Variants in RBFOX1 observed in about 807,000 individuals in gnomAD.
RBFOX1 encodes the protein RNA binding protein fox-1 homolog 1.
A neutral mutation model predicts 57.7 loss-of-function variants in RBFOX1; 8 were observed. That is an observed-to-expected ratio of 0.14 (90% confidence interval 0.08 to 0.25). RBFOX1 has a LOEUF of 0.25. RBFOX1 is among the 10% of genes least tolerant of loss of function. The pLI is 1.00. For missense variants in RBFOX1, 611 were observed against 548.5 expected (o/e 1.11, Z -1.14); for synonymous variants, 326 against 222.4 (o/e 1.47, Z -4.15).
intron 4 of RBFOX1, among the ~76,000 whole-genome samples, chr16:7,401,047 C>T (rs1040681396): frequency 4.6e-5 from 7 of 152,140 alleles, no homozygotes; most frequent in African/African-American, 1.4e-4. Flanking sequence ...GCAGCTGATT[C>T]GAGAGGGGGT....
chr16:7,655,147 A>G (rs1046285786), intron 12 of RBFOX1, among the ~76,000 whole-genome samples: 1 of 152,200 alleles, frequency 6.6e-6, no homozygotes, highest in African/African-American at 2.4e-5. Flanking sequence ...TGACAAAAAG[A>G]AACACTTTTT....
In RBFOX1 at chr16:6,923,773, C is replaced by G. The variant is rs114646367; in HGVS notation, c.-15-128284C>G. Among the ~76,000 whole-genome samples, 1,454 of 152,216 alleles carry G rather than the reference C, an allele frequency of 9.6e-3. 25 individuals are homozygous for G. Among genetic ancestry groups the G allele is most frequent in the African/African-American group, 0.033 (1,353 of 41,536 alleles). ...TATCAAAGCTTAATTAATAGTTAGT[C>G]TATTTTGGAGTCCAATAAAGGATTT... is the stretch of plus-strand genomic sequence containing the variant. On this transcript the variant is annotated intron_variant, in intron 3 of 15. Transcript: ENST00000550418.
At chr16:5,994,656 C>T (rs1210446999) in intron 4 of RBFOX1, among the ~76,000 whole-genome samples, 1 of 152,192 alleles carries the variant, frequency 6.6e-6, no homozygotes, top group Non-Finnish European at 1.5e-5. Flanking sequence ...GGAAAACAGT[C>T]ACAGATAATA....
chr16:5,713,199 T>C (rs1296366597), intron 3 of RBFOX1, among the ~76,000 whole-genome samples: 1 of 152,206 alleles, frequency 6.6e-6, no homozygotes, highest in Non-Finnish European at 1.5e-5. Context: ...GCTTAAGCCA[T>C]TTGGGGCTAA....
At chr16:5,798,658 G>A (rs1306487809) in intron 3 of RBFOX1, among the ~76,000 whole-genome samples, 2 of 152,208 alleles carry the variant, frequency 1.3e-5, no homozygotes, top group Non-Finnish European at 2.9e-5. Flanking sequence ...ATATATGTGT[G>A]TCAAATGGGA....
chr16:7,581,129 A>C (rs1567941811), intron 6 of RBFOX1, among the ~76,000 whole-genome samples: 1 of 152,170 alleles, frequency 6.6e-6, no homozygotes, highest in Non-Finnish European at 1.5e-5. Context: ...CTGACACAAA[A>C]GCAGAGCGAG....
At chr16:7,156,588 G>C (rs561002073) in intron 4 of RBFOX1, among the ~76,000 whole-genome samples, 89 of 151,968 alleles carry the variant, frequency 5.9e-4, no homozygotes, top group African/African-American at 2.0e-3. Context: ...TTTGCATGCA[G>C]ATATACATAT....
chr16:6,451,822 C>G (rs555224756), intron 2 of RBFOX1, among the ~76,000 whole-genome samples: 1 of 151,770 alleles, frequency 6.6e-6, no homozygotes, highest in South Asian at 2.1e-4. Flanking sequence ...CCTCCCATGA[C>G]TCCATCCATG....
rs572933249 is a variant in RBFOX1 at position 7,287,767 on chromosome 16, T to G, written c.28-230380T>G. The stretch of plus-strand genomic sequence containing the variant: ...TGTTTAGATTTAGAAAGAGATAAAT[T>G]TAGAAGTGGAGAACACAAATTAGTT... On this transcript the variant is annotated intron_variant, in intron 4 of 15. Transcript: ENST00000550418. Among the ~76,000 whole-genome samples, 132 of 152,302 alleles carry G rather than the reference T, an allele frequency of 8.7e-4. 1 individual carries two copies. Among genetic ancestry groups the G allele is most frequent in the Non-Finnish European group, 1.6e-3 (109 of 68,026 alleles).
intron 2 of RBFOX1, among the ~76,000 whole-genome samples, chr16:6,396,249 T>A (rs1418906377): frequency 6.6e-6 from 1 of 152,050 alleles, no homozygotes; most frequent in African/African-American, 2.4e-5. Context: ...TGAAGGGGCT[T>A]TGACCCTGGA....
Position 6,601,506 on chromosome 16 carries a change from G to A in RBFOX1, c.-63-53097G>A, listed in dbSNP as rs562426480. Among the ~76,000 whole-genome samples, 10 of 152,210 alleles carry A rather than the reference G, an allele frequency of 6.6e-5. No individual in the cohort carries two copies. In the East Asian group the frequency reaches 9.7e-4, roughly 15 times the overall value. On this transcript the variant is annotated intron_variant, in intron 2 of 15. Transcript: ENST00000550418. ...TCTACATACAAGAAGCTATACCAGC[G>A]TAAGGATCCTGGACCATTCTACTCA...
chr16:7,191,202 T>A (rs2085294787), intron 4 of RBFOX1, among the ~76,000 whole-genome samples: 1 of 152,200 alleles, frequency 6.6e-6, no homozygotes, highest in Non-Finnish European at 1.5e-5. Flanking sequence ...CATTTTTTAA[T>A]ATGGAACTTT....
At chr16:6,637,560 A>ATAGT (rs1567988167) in intron 2 of RBFOX1, among the ~76,000 whole-genome samples, 3 of 4,746 alleles carry the variant, frequency 6.3e-4, no homozygotes, top group African/African-American at 7.2e-4. Flanking sequence ...TAGTATATAT[A>ATAGT]ATATTCTATA....
At chr16:6,532,325 A>G (rs1319691986) in intron 2 of RBFOX1, among the ~76,000 whole-genome samples, 1 of 152,106 alleles carries the variant, frequency 6.6e-6, no homozygotes. Context: ...AGTGATCTCC[A>G]TTCCCTTTTC....
At chr16:5,781,971 C>T (rs1039128444) in intron 3 of RBFOX1, among the ~76,000 whole-genome samples, 6 of 152,250 alleles carry the variant, frequency 3.9e-5, no homozygotes, top group Middle Eastern at 6.8e-3. Flanking sequence ...TTAGGGAGGC[C>T]GAGGTGGGCG....
intron 4 of RBFOX1, among the ~76,000 whole-genome samples, chr16:7,324,101 A>G (rs1370341094): frequency 6.6e-6 from 1 of 152,140 alleles, no homozygotes; most frequent in Admixed American, 6.5e-5. Context: ...TGAATTCCCA[A>G]GAGGAAGACA....
At chr16:6,304,604 C>A (rs1406060468) in intron 1 of RBFOX1, among the ~76,000 whole-genome samples, 1 of 152,010 alleles carries the variant, frequency 6.6e-6, no homozygotes, top group Admixed American at 6.6e-5. Flanking sequence ...GTGTTGGTGA[C>A]CAGCATGGTG....
chr16:7,590,456 A>T (rs2094383776), intron 7 of RBFOX1, among the ~76,000 whole-genome samples: 1 of 152,136 alleles, frequency 6.6e-6, no homozygotes, highest in Non-Finnish European at 1.5e-5. Flanking sequence ...GGGGCGAATG[A>T]TCCTGTAATT....
At chr16:7,019,255 T>C (rs377647415) in intron 3 of RBFOX1, among the ~76,000 whole-genome samples, 9 of 152,180 alleles carry the variant, frequency 5.9e-5, no homozygotes, top group African/African-American at 2.2e-4. Flanking sequence ...TTTTGTTAGG[T>C]TGGTGCTTGA....
Sources: gnomAD v4.1 joint callset for allele counts (sites outside exome capture counted in the v4.1 genomes callset) on GRCh38, gnomAD v4.1.1 for gene constraint, MANE v1.5 for transcripts, NCBI Gene and HGNC (gene_info 2026-07-23, HGNC 2026-07-21) for gene names.